SP6: variants seen among roughly 807,000 people sequenced by gnomAD.
SP6 encodes the protein Sp6 transcription factor.
In SP6, 10 loss-of-function variants were observed where a neutral mutation model predicts 23.4. The observed-to-expected ratio is 0.43, with a 90% CI of 0.26 to 0.72. The LOEUF (loss-of-function observed/expected upper bound fraction) is 0.72, where lower values mean the gene tolerates loss of function less well. Among genes scored for constraint, SP6 ranks in the 30% least tolerant of loss-of-function variants. The probability of loss-of-function intolerance (pLI) is 0.23; values close to 1 mark genes in which losing one functional copy is unlikely to be tolerated. For synonymous variants in SP6, 238 were observed against 238.7 expected (o/e 1.00, Z 0.03); for missense variants, 482 against 523.8 (o/e 0.92, Z 0.78).
the SP6 span, among the ~76,000 whole-genome samples, chr17:47,874,836 C>T: frequency 6.6e-6 from 1 of 152,056 alleles, no homozygotes; most frequent in African/African-American, 2.4e-5. Context: ...CTCTCTGAGG[C>T]CAGAGAGCCC....
At chr17:47,857,603 C>A (rs2034006801), upstream of SP6, among the ~76,000 whole-genome samples, 1 of 152,054 alleles carries the variant, frequency 6.6e-6, no homozygotes, top group African/African-American at 2.4e-5. Context: ...GTGTTTAGAC[C>A]CTGCCTGGAC....
At chr17:47,852,009 A>T (rs2033961873), upstream of SP6, among the ~76,000 whole-genome samples, 1 of 151,822 alleles carries the variant, frequency 6.6e-6, no homozygotes, top group Non-Finnish European at 1.5e-5. Context: ...GTCCTTCGGG[A>T]AATGCTCAGC....
chr17:47,857,171 C>T (rs2034003645), upstream of SP6, among the ~76,000 whole-genome samples: 1 of 152,046 alleles, frequency 6.6e-6, no homozygotes, highest in Admixed American at 6.5e-5. Flanking sequence ...CAGCACAACC[C>T]CCTGGGGGAA....
chr17:47,862,243 C>T, the SP6 span, among the ~76,000 whole-genome samples: 1 of 151,254 alleles, frequency 6.6e-6, no homozygotes, highest in Non-Finnish European at 1.5e-5. Flanking sequence ...ACTTGGGAGG[C>T]TGAGGCAGAA....
At chr17:47,871,453 G>A in the SP6 span, among the ~76,000 whole-genome samples, 1 of 152,192 alleles carries the variant, frequency 6.6e-6, no homozygotes, top group African/African-American at 2.4e-5. Flanking sequence ...ATAAGAATGA[G>A]AAGTTTGCTT....
chr17:47,849,105 G>C (rs564514922), intron 1 of SP6, among the ~76,000 whole-genome samples: 1 of 152,022 alleles, frequency 6.6e-6, no homozygotes, highest in Non-Finnish European at 1.5e-5. Context: ...CCACTAAACC[G>C]ACTCACATGC....
In SP6 at chr17:47,848,872, G is replaced by A. The variant is rs1230871283; in HGVS notation, c.-57-386C>T. ...CAGACCTGCTGTCAGCCCAAATGGA[G>A]GATCTAGACACATCTCAGCTTCCCC... On this transcript the variant is annotated intron_variant, in intron 1 of 1. Coordinates refer to ENST00000536300, the MANE Select transcript of SP6 (RefSeq NM_001258248.2). This position sits in a 1 kb window ranked among gnomAD's most constrained non-coding sequence, Gnocchi z 5.3. Among the ~76,000 whole-genome samples the A allele has an allele frequency of 1.3e-5, 2 of 152,140 alleles. No homozygotes were observed. The highest frequency in any genetic ancestry group is 2.9e-5 in the Non-Finnish European group (2 of 68,034).
the SP6 span, among the ~76,000 whole-genome samples, chr17:47,868,585 C>T: frequency 6.6e-6 from 1 of 152,198 alleles, no homozygotes; most frequent in Admixed American, 6.5e-5. Context: ...GAGGCCCTCA[C>T]CTACTCCCTA....
the SP6 span, among the ~76,000 whole-genome samples, chr17:47,872,563 G>T: frequency 1.3e-5 from 2 of 152,156 alleles, no homozygotes; most frequent in East Asian, 1.9e-4. Context: ...GCCACAGCAC[G>T]TCCCCACAAA....
At chr17:47,866,346 G>C in the SP6 span, among the ~76,000 whole-genome samples, 1 of 152,154 alleles carries the variant, frequency 6.6e-6, no homozygotes, top group Non-Finnish European at 1.5e-5. Context: ...GGTCAAGGAA[G>C]ATGTGAGGAG....
rs1177302340 is a variant in SP6, at chr17:47,845,433, C to A, written c.*1866G>T. 1 of 152,266 alleles carries A rather than the reference C, an allele frequency of 6.6e-6. No homozygotes were observed. Among genetic ancestry groups the A allele is most frequent in the Non-Finnish European group, 1.5e-5 (1 of 68,054 alleles). 9.4% of individuals were successfully genotyped at this position (152,266 alleles called of 1,614,324 possible). On this transcript the variant is annotated 3_prime_UTR_variant, in exon 2 of 2. Transcript: ENST00000536300. ...GAGAAAGAAAGAAAGAACATTACTTCTTAAACTACCCCAGGCCAATGAGTT... is the reference window on the plus strand; with the variant it reads ...GAGAAAGAAAGAAAGAACATTACTTATTAAACTACCCCAGGCCAATGAGTT...
rs1396531967 is a variant in SP6, at chr17:47,844,910, T to G, written c.*2389A>C. ...ACAGAGCTGGAACACAAAGGAAGCA[T>G]GATGTAGTTGATGACTTTATTGCAT... On this transcript the variant is annotated 3_prime_UTR_variant, in exon 2 of 2. Transcript: ENST00000536300. The G allele has an allele frequency of 6.6e-6, 1 of 152,596 alleles. No homozygotes were observed. Among genetic ancestry groups the G allele is most frequent in the East Asian group, 1.9e-4 (1 of 5,200 alleles). 9.5% of individuals were successfully genotyped at this position (152,596 alleles called of 1,614,324 possible).
chr17:47,857,268 G>A (rs1279851123), upstream of SP6, among the ~76,000 whole-genome samples: 1 of 152,116 alleles, frequency 6.6e-6, no homozygotes, highest in African/African-American at 2.4e-5. Flanking sequence ...AGTGGGGAGG[G>A]GAAACAAGCT....
upstream of SP6, among the ~76,000 whole-genome samples, chr17:47,858,071 T>C (rs2143665124): frequency 6.6e-6 from 1 of 152,178 alleles, no homozygotes; most frequent in Non-Finnish European, 1.5e-5. Flanking sequence ...GCCTATTTCC[T>C]CTGCCCTCGC....
At chr17:47,874,151 A>G in the SP6 span, among the ~76,000 whole-genome samples, 1 of 151,702 alleles carries the variant, frequency 6.6e-6, no homozygotes, top group Non-Finnish European at 1.5e-5. Context: ...CAGTGGAGCA[A>G]TCATAACTCA....
chr17:47,853,145 G>T (rs2033974010), upstream of SP6, among the ~76,000 whole-genome samples: 1 of 152,234 alleles, frequency 6.6e-6, no homozygotes, highest in Non-Finnish European at 1.5e-5. Context: ...ACAGGTATTT[G>T]GAAGCCGGAG....
chr17:47,853,900 C>T (rs919655694), upstream of SP6, among the ~76,000 whole-genome samples: 1 of 152,148 alleles, frequency 6.6e-6, no homozygotes, highest in Non-Finnish European at 1.5e-5. Context: ...ACTTGCAGTC[C>T]TCTGCTTCCA....
chr17:47,852,350 C>T (rs376951639), upstream of SP6, among the ~76,000 whole-genome samples: 2 of 152,254 alleles, frequency 1.3e-5, no homozygotes, highest in South Asian at 4.2e-4. Flanking sequence ...TCCACCCACG[C>T]ATTCTTCTGC....
At chr17:47,857,030 C>T (rs995661847), upstream of SP6, among the ~76,000 whole-genome samples, 7 of 152,154 alleles carry the variant, frequency 4.6e-5, no homozygotes, top group African/African-American at 1.4e-4. Context: ...GATGAGAACA[C>T]TGAGGCCCTG....
Sources: allele counts gnomAD v4.1 joint callset (sites outside exome capture counted in the v4.1 genomes callset), GRCh38; gene constraint gnomAD v4.1.1; non-coding constraint Gnocchi (gnomAD v3.1); transcripts MANE v1.5; gene names NCBI Gene and HGNC (gene_info 2026-07-23, HGNC 2026-07-21).